GLMN: variants seen among roughly 807,000 people sequenced by gnomAD.
GLMN encodes glomulin.
A neutral mutation model predicts 87.8 loss-of-function variants in GLMN; 75 were observed. That is an observed-to-expected ratio of 0.85 (90% confidence interval 0.71 to 1.04). The LOEUF (loss-of-function observed/expected upper bound fraction) is 1.04. Among genes scored for constraint, GLMN ranks in the 50% least tolerant of loss-of-function variants. The pLI, the probability that GLMN is intolerant of heterozygous loss-of-function variation, is 0.00. For missense variants in GLMN, 588 were observed against 658.8 expected (o/e 0.89, Z 1.18); for synonymous variants, 206 against 221.6 (o/e 0.93, Z 0.63).
chr1:92,277,972 G>C (rs183201117), intron 7 of GLMN, among the ~76,000 whole-genome samples: 4 of 152,234 alleles, frequency 2.6e-5, no homozygotes, highest in Non-Finnish European at 2.9e-5. Context: ...CATTGGAAGG[G>C]GGGGCAGTCT....
intron 16 of GLMN, among the ~76,000 whole-genome samples, chr1:92,250,421 A>G (rs781379428): frequency 2.6e-5 from 4 of 152,140 alleles, no homozygotes; most frequent in Non-Finnish European, 4.4e-5. Context: ...TCTAATTTTA[A>G]TTGGTGCATA....
chr1:92,277,456 C>T (rs1484565651), intron 7 of GLMN, among the ~76,000 whole-genome samples: 1 of 152,174 alleles, frequency 6.6e-6, no homozygotes, highest in Non-Finnish European at 1.5e-5. Context: ...ATTGAGTTGA[C>T]TGATAGCTGC....
chr1:92,277,484 A>C (rs1485641260), intron 7 of GLMN, among the ~76,000 whole-genome samples: 1 of 152,224 alleles, frequency 6.6e-6, no homozygotes, highest in Non-Finnish European at 1.5e-5. Flanking sequence ...GGATAGCCTC[A>C]GGATGGGAGC....
At position 92,266,466 on chromosome 1, in the gene GLMN, C is replaced by G; in HGVS notation, c.1167G>C (p.Gln389His). ...GTGAATCCAACTTGTTAATATACAG[C>G]TGAAGCATAGCTAAACTCTTTTTCC... ...TLRKKSLAML[Q>H]LYINKLDSQG... Residue 389 changes from glutamine to histidine, a missense_variant, in exon 13 of 19, where the codon CAG becomes CAC. Gln to His is a conservative substitution (Grantham distance 24). Transcript: ENST00000370360. 1 of 1,574,930 alleles carries G rather than the reference C, an allele frequency of 6.3e-7. No individual in the cohort carries two copies. Among genetic ancestry groups the G allele is most frequent in the East Asian group, 2.2e-5 (1 of 44,572 alleles).
At chr1:92,303,059 T>C (rs1650975509), upstream of GLMN, among the ~76,000 whole-genome samples, 2 of 152,182 alleles carry the variant, frequency 1.3e-5, no homozygotes, top group Non-Finnish European at 2.9e-5. Context: ...TAAAAAAATT[T>C]TGAAACAGCT....
the GLMN span, among the ~76,000 whole-genome samples, chr1:92,309,210 G>A: frequency 0.26 from 39,262 of 151,950 alleles, 6,476 homozygotes; most frequent in Non-Finnish European, 0.35. Flanking sequence ...TTGGGAGGCC[G>A]AGGGGGGCAG....
the GLMN span, chr1:92,323,745 C>T: frequency 3.0e-5 from 49 of 1,613,932 alleles, no homozygotes; most frequent in South Asian, 4.2e-4. Context: ...AGCAGTTAGG[C>T]GATTGCAAAT....
the GLMN span, among the ~76,000 whole-genome samples, chr1:92,342,997 A>G: frequency 6.6e-6 from 1 of 152,182 alleles, no homozygotes; most frequent in African/African-American, 2.4e-5. Flanking sequence ...TCCAGACTAG[A>G]GCTAATACAT....
chr1:92,297,562 C>CA (rs757275656), intron 2 of GLMN, 33 bp from the exon 3 acceptor site: 30 of 1,506,016 alleles, frequency 2.0e-5, no homozygotes, highest in Non-Finnish European at 2.2e-5. Flanking sequence ...AAAAAACAAA[C>CA]AAAAAAAAGT....
In GLMN at chr1:92,298,960, C is replaced by T. The variant is rs1571002598; in HGVS notation, c.-66G>A. Reference sequence around the variant, plus strand: ...CCTCGCCTCTCCCAGCCGCCGCCACCTCCTCCGGCGTCTTAGCCCGCTCTT... The same window carrying T: ...CCTCGCCTCTCCCAGCCGCCGCCACTTCCTCCGGCGTCTTAGCCCGCTCTT... On this transcript the variant is annotated 5_prime_UTR_variant, in exon 1 of 19. Transcript: ENST00000370360. The T allele has an allele frequency of 4.0e-6, 2 of 501,584 alleles. No individual in the cohort carries two copies. The highest frequency in any genetic ancestry group is 7.8e-5 in the Admixed American group (2 of 25,766). 31.1% of individuals were successfully genotyped at this position (501,584 alleles called of 1,614,324 possible). A position where few individuals can be genotyped will look rare whatever the true frequency, so the allele number is the denominator to read the frequency against.
intron 16 of GLMN, among the ~76,000 whole-genome samples, chr1:92,261,081 C>T (rs931755882): frequency 1.3e-5 from 2 of 152,090 alleles, no homozygotes; most frequent in Non-Finnish European, 2.9e-5. Flanking sequence ...AAACTCATAC[C>T]CTACCCTAAG....
chr1:92,264,119 G>C lies in GLMN; in HGVS notation c.1300-387C>G, dbSNP rs189613881. Among the ~76,000 whole-genome samples the C allele has an allele frequency of 2.8e-3, 424 of 152,180 alleles. 4 individuals are homozygous for C. The highest frequency in any genetic ancestry group is 9.3e-3 in the South Asian group (45 of 4,820). On this transcript the variant is annotated intron_variant, in intron 14 of 18. Transcript: ENST00000370360. ...TCACTTGAGATCAGGAGTTCAAGAC[G>C]AGCCTGGGCAACACAGTGAAACTCC...
chr1:92,308,914 C>A, the GLMN span, among the ~76,000 whole-genome samples: 5 of 151,858 alleles, frequency 3.3e-5, no homozygotes, highest in Non-Finnish European at 7.4e-5. Flanking sequence ...GAGCCAAGAT[C>A]GTGCTGCTGA....
At chr1:92,260,808 T>C (rs1175345127) in intron 16 of GLMN, among the ~76,000 whole-genome samples, 1 of 150,250 alleles carries the variant, frequency 6.7e-6, no homozygotes, top group Admixed American at 6.6e-5. Context: ...AGGCTGGCTG[T>C]ATCCTTTTCT....
chr1:92,348,850 T>C, the GLMN span, among the ~76,000 whole-genome samples: 1 of 152,228 alleles, frequency 6.6e-6, no homozygotes, highest in Non-Finnish European at 1.5e-5. Flanking sequence ...GTTTTCACAA[T>C]TACATTTTAG....
At chr1:92,253,325 G>A (rs941153651) in intron 16 of GLMN, among the ~76,000 whole-genome samples, 2 of 152,150 alleles carry the variant, frequency 1.3e-5, no homozygotes, top group African/African-American at 2.4e-5. Flanking sequence ...TTGGGGAAAG[G>A]GTGGCTGTGG....
chr1:92,346,674 G>A, the GLMN span, among the ~76,000 whole-genome samples: 1 of 152,034 alleles, frequency 6.6e-6, no homozygotes, highest in South Asian at 2.1e-4. Flanking sequence ...TTTAAAATCT[G>A]ACAGGTTTAA....
the GLMN span, among the ~76,000 whole-genome samples, chr1:92,317,751 G>GC: frequency 6.6e-6 from 1 of 152,050 alleles, no homozygotes; most frequent in Non-Finnish European, 1.5e-5. Flanking sequence ...CCTACCTTAT[G>GC]CTTTTTCCCT....
At chr1:92,315,650 C>T in the GLMN span, among the ~76,000 whole-genome samples, 2 of 152,192 alleles carry the variant, frequency 1.3e-5, no homozygotes, top group African/African-American at 4.8e-5. Context: ...ACAGTAAGCT[C>T]ACTACCTCAT....
Sources: gnomAD v4.1 joint callset for allele counts (sites outside exome capture counted in the v4.1 genomes callset) on GRCh38, gnomAD v4.1.1 for gene constraint, MANE v1.5 for transcripts, NCBI Gene and HGNC (gene_info 2026-07-23, HGNC 2026-07-21) for gene names.